Variants in BAZ1A observed in about 807,000 individuals in gnomAD.
The protein encoded by BAZ1A is bromodomain adjacent to zinc finger domain protein 1A.
Under a neutral mutation model 185.2 loss-of-function variants are expected in BAZ1A, and 50 were observed. The observed-to-expected ratio is 0.27, with a 90% CI of 0.22 to 0.34. BAZ1A has a LOEUF of 0.34. Among genes scored for constraint, BAZ1A ranks in the 10% least tolerant of loss-of-function variants. The pLI, the probability that BAZ1A is intolerant of heterozygous loss-of-function variation, is 1.00. For synonymous variants in BAZ1A, 571 were observed against 615.6 expected (o/e 0.93, Z 1.07); for missense variants, 1,356 against 1,839.9 (o/e 0.74, Z 4.81).
intron 3 of BAZ1A, among the ~76,000 whole-genome samples, chr14:34,853,514 G>C (rs890625162): frequency 6.6e-6 from 1 of 152,214 alleles, no homozygotes; most frequent in Non-Finnish European, 1.5e-5. Flanking sequence ...GTCAGGCGCA[G>C]TGATTCACGC....
In BAZ1A at chr14:34,765,335, T is replaced by G. The variant is rs564495112; in HGVS notation, c.3302-67A>C. 8.2e-5 allele frequency: 127 copies of G among 1,554,838 alleles called. No homozygotes were observed. In the African/African-American group the frequency reaches 1.6e-3, roughly 20 times the overall value. On this transcript the variant is annotated intron_variant, in intron 21 of 26. Coordinates refer to ENST00000360310, the MANE Select transcript of BAZ1A (RefSeq NM_013448.3). ...CCTAGTAATCTTCCTAGAAATAGTT[T>G]GTTGGTAGTTTAAATATAGGTTAGA...
At position 34,796,056 on chromosome 14, in the gene BAZ1A, T is replaced by G. The variant is rs77319708; in HGVS notation, c.1129-291A>C. Among the ~76,000 whole-genome samples the G allele has an allele frequency of 9.1e-3, 1,382 of 152,172 alleles. 16 individuals carry two copies. The highest frequency in any genetic ancestry group is 0.017 in the Middle Eastern group (5 of 294). On this transcript the variant is annotated intron_variant, in intron 9 of 26. Coordinates refer to ENST00000360310, the MANE Select transcript of BAZ1A (RefSeq NM_013448.3). ...GGCTCACACATGTAATCCCAGCACT[T>G]TGGGAGTCAGAGTCAGGTGGATTAC...
rs1267325652 is a variant in BAZ1A, at chr14:34,863,159, T to A, written c.114-837A>T. ...GCCCGCCACCACGCTCGGCTTTTTTTTTTTTTTTTTTTTTTTTTTTTTGAG... is the reference window on the plus strand; with the variant it reads ...GCCCGCCACCACGCTCGGCTTTTTTATTTTTTTTTTTTTTTTTTTTTTGAG... On this transcript the variant is annotated intron_variant, in intron 2 of 26. Coordinates refer to ENST00000360310, the MANE Select transcript of BAZ1A (RefSeq NM_013448.3). 2.5e-5 allele frequency among the ~76,000 whole-genome samples: 3 copies of A among 121,428 alleles called. 1 individual carries two copies. Among genetic ancestry groups the A allele is most frequent in the African/African-American group, 9.9e-5 (3 of 30,372 alleles). The allele number at this position is 121,428 out of a possible 152,430, so 79.7% of individuals were successfully genotyped here. A position where few individuals can be genotyped will look rare whatever the true frequency, so the allele number is the denominator to read the frequency against.
chr14:34,815,128 C>T (rs2138687020), intron 4 of BAZ1A, among the ~76,000 whole-genome samples: 1 of 152,266 alleles, frequency 6.6e-6, no homozygotes, highest in South Asian at 2.1e-4. Context: ...TTTATATGTG[C>T]AAACAATTAT....
chr14:34,846,452 T>C (rs990187124), intron 3 of BAZ1A, among the ~76,000 whole-genome samples: 8 of 152,242 alleles, frequency 5.3e-5, no homozygotes, highest in African/African-American at 1.4e-4. Context: ...TGGAAGCCCT[T>C]AGAACACTGA....
At chr14:34,806,780 ACT>A (rs1232828419) in intron 6 of BAZ1A, among the ~76,000 whole-genome samples, 1 of 151,178 alleles carries the variant, frequency 6.6e-6, no homozygotes, top group Non-Finnish European at 1.5e-5. Context: ...ACAGGGTCTC[ACT>A]CTGTTGTCCA....
intron 3 of BAZ1A, among the ~76,000 whole-genome samples, chr14:34,848,403 C>G (rs1594899717): frequency 6.6e-6 from 1 of 151,930 alleles, no homozygotes; most frequent in Non-Finnish European, 1.5e-5. Flanking sequence ...GTCAGGAGTT[C>G]GAGACCAGCC....
chr14:34,850,622 CTGTACGCTAGCT>C (rs2042582141), intron 3 of BAZ1A, among the ~76,000 whole-genome samples: 2 of 152,262 alleles, frequency 1.3e-5, no homozygotes, highest in African/African-American at 4.8e-5. Flanking sequence ...ATTAAGTAGT[CTGTACGCTAGCT>C]AAATAGAAGA....
chr14:34,833,962 G>A (rs933974509), intron 3 of BAZ1A, among the ~76,000 whole-genome samples: 2 of 152,162 alleles, frequency 1.3e-5, no homozygotes, highest in South Asian at 2.1e-4. Context: ...GGTAGCAAAC[G>A]GAAATGATGT....
chr14:34,775,797 C>T (rs1259480735), intron 18 of BAZ1A, 122 bp downstream of exon 18: 2 of 733,154 alleles, frequency 2.7e-6, no homozygotes, highest in African/African-American at 3.6e-5. Context: ...AAAAGGACAG[C>T]CTAAATCAAA....
At chr14:34,792,572 T>C (rs1414248637) in intron 12 of BAZ1A, among the ~76,000 whole-genome samples, 1 of 152,164 alleles carries the variant, frequency 6.6e-6, no homozygotes, top group Non-Finnish European at 1.5e-5. Context: ...GAAAATATCT[T>C]TAAGGTTGTC....
chr14:34,816,080 C>CTTTTTTTTTTTTT (rs35830800), intron 4 of BAZ1A, among the ~76,000 whole-genome samples: 6 of 79,426 alleles, frequency 7.6e-5, no homozygotes, highest in East Asian at 4.4e-4. Context: ...TATTCCAGAC[C>CTTTTTTTTTTTTT]TTTTTTTTTT....
intron 4 of BAZ1A, among the ~76,000 whole-genome samples, chr14:34,821,479 C>T (rs2042088238): frequency 6.6e-6 from 1 of 152,044 alleles, no homozygotes; most frequent in African/African-American, 2.4e-5. Flanking sequence ...GGAAAATTAC[C>T]TGGAAGTCAA....
chr14:34,763,418 G>GT (rs144841507), intron 23 of BAZ1A, among the ~76,000 whole-genome samples: 4,677 of 126,546 alleles, frequency 0.037, 233 homozygotes, highest in African/African-American at 0.12. Context: ...GGGTTCAAAT[G>GT]TTTAAAAAAA....
rs115797873 is a variant in BAZ1A at position 34,834,117 on chromosome 14, T to C, written c.393-7961A>G. ...AAAAAGGCTCTGTACTTTAGTAACA[T>C]GAGCTGTAAAAAATATGAAAGAAAT... On this transcript the variant is annotated intron_variant, in intron 3 of 26. Coordinates refer to ENST00000360310, the MANE Select transcript of BAZ1A (RefSeq NM_013448.3). Among the ~76,000 whole-genome samples, 1,287 of 152,330 alleles carry C rather than the reference T, an allele frequency of 8.4e-3. 32 individuals carry two copies. Among genetic ancestry groups the C allele is most frequent in the African/African-American group, 0.03 (1,243 of 41,572 alleles).
chr14:34,827,986 C>T (rs1315483589), intron 3 of BAZ1A, among the ~76,000 whole-genome samples: 1 of 151,904 alleles, frequency 6.6e-6, no homozygotes, highest in Non-Finnish European at 1.5e-5. Flanking sequence ...TAGACTCATT[C>T]AACCACAATT....
chr14:34,872,807 G>A (rs915349753), intron 2 of BAZ1A, among the ~76,000 whole-genome samples: 7 of 149,812 alleles, frequency 4.7e-5, no homozygotes, highest in South Asian at 2.1e-4. Flanking sequence ...GACTGCTTAC[G>A]TGGAAGGAGA....
chr14:34,843,334 A>G (rs1267348414), intron 3 of BAZ1A, among the ~76,000 whole-genome samples: 2 of 152,186 alleles, frequency 1.3e-5, no homozygotes. Context: ...ACTAACAAAC[A>G]TACAGCACGC....
chr14:34,757,529 G>A (rs1047962779), intron 25 of BAZ1A, among the ~76,000 whole-genome samples: 5 of 151,586 alleles, frequency 3.3e-5, no homozygotes, highest in African/African-American at 1.2e-4. Flanking sequence ...GCCAGGTGTG[G>A]TGGCAGGCCC....
Sources: gnomAD v4.1 joint callset for allele counts (sites outside exome capture counted in the v4.1 genomes callset) on GRCh38, gnomAD v4.1.1 for gene constraint, MANE v1.5 for transcripts, NCBI Gene and HGNC (gene_info 2026-07-23, HGNC 2026-07-21) for gene names.